The following PCDH11Y variants were observed in gnomAD, a reference collection of about 807,000 sequenced individuals.
The protein encoded by PCDH11Y is protocadherin 11 Y-linked.
For missense variants in PCDH11Y, 12 were observed against 224.8 expected, an observed-to-expected ratio of 0.05 and a Z score of 6.05; for synonymous variants, 9 against 83.6, an observed-to-expected ratio of 0.11 and a Z score of 4.87.
chrY:5,543,153 C>T (rs2053409390), intron 3 of PCDH11Y, among the ~76,000 whole-genome samples: 1 of 33,199 alleles, frequency 3.0e-5, no homozygotes, highest in Non-Finnish European at 7.5e-5. Context: ...TGACTACTTT[C>T]CCAGAGTTAA....
chrY:5,365,001 A>G, intron 2 of PCDH11Y, among the ~76,000 whole-genome samples: 1 of 33,079 alleles, frequency 3.0e-5, no homozygotes, highest in African/African-American at 1.2e-4. Context: ...TAGTAGCTAT[A>G]GATTTTATTT....
intron 2 of PCDH11Y, among the ~76,000 whole-genome samples, chrY:5,287,853 G>A (rs2053062180): frequency 3.5e-5 from 1 of 28,702 alleles, no homozygotes; most frequent in Non-Finnish European, 8.1e-5. Flanking sequence ...ACCATGGCAC[G>A]TTTATACCTA....
chrY:5,640,591 G>C, intron 4 of PCDH11Y, among the ~76,000 whole-genome samples: 1 of 32,733 alleles, frequency 3.1e-5, no homozygotes, highest in East Asian at 8.1e-4. Context: ...GCAGTAATAT[G>C]TTGAAAGGAA....
intron 1 of PCDH11Y, among the ~76,000 whole-genome samples, chrY:5,064,910 G>A (rs2052683735): frequency 3.2e-5 from 1 of 30,832 alleles, no homozygotes; most frequent in Non-Finnish European, 7.7e-5. Flanking sequence ...AGTAGAGACA[G>A]GGTTTCACCA....
At chrY:5,095,311 C>T in intron 1 of PCDH11Y, among the ~76,000 whole-genome samples, 2 of 32,332 alleles carry the variant, frequency 6.2e-5, no homozygotes, top group East Asian at 8.0e-4. Flanking sequence ...AATGTAAATC[C>T]GTTAGTGTCA....
intron 2 of PCDH11Y, among the ~76,000 whole-genome samples, chrY:5,452,854 A>G (rs2053294599): frequency 3.0e-5 from 1 of 33,194 alleles, no homozygotes; most frequent in Non-Finnish European, 7.4e-5. Context: ...ATTGCTAGCA[A>G]TTACTCTGCG....
At chrY:5,713,780 C>T in intron 4 of PCDH11Y, among the ~76,000 whole-genome samples, 1 of 30,449 alleles carries the variant, frequency 3.3e-5, no homozygotes, top group Non-Finnish European at 7.8e-5. Context: ...GAAAGAACTT[C>T]CAAGACTCCC....
chrY:5,622,624 A>G, intron 4 of PCDH11Y, among the ~76,000 whole-genome samples: 1 of 32,944 alleles, frequency 3.0e-5, no homozygotes, highest in African/African-American at 1.2e-4. Flanking sequence ...TTGAAGCACT[A>G]TTTACAATAG....
chrY:5,070,280 C>T (rs2052698022), intron 1 of PCDH11Y, among the ~76,000 whole-genome samples: 1 of 32,814 alleles, frequency 3.0e-5, no homozygotes, highest in African/African-American at 1.2e-4. Context: ...GAACCTGCTA[C>T]GATGAAGACT....
At chrY:5,541,387 T>G (rs1602940589) in intron 3 of PCDH11Y, among the ~76,000 whole-genome samples, 1 of 33,899 alleles carries the variant, frequency 2.9e-5, no homozygotes, top group Non-Finnish European at 7.4e-5. Context: ...TCCGTTTTCC[T>G]TGCTGTGTGT....
chrY:5,350,302 C>T (rs2053156403), intron 2 of PCDH11Y, among the ~76,000 whole-genome samples: 2 of 31,420 alleles, frequency 6.4e-5, no homozygotes, highest in African/African-American at 2.5e-4. Flanking sequence ...TATGTATACA[C>T]GTGCCATGTT....
chrY:5,687,931 T>G, intron 4 of PCDH11Y, among the ~76,000 whole-genome samples: 1 of 32,418 alleles, frequency 3.1e-5, no homozygotes. Flanking sequence ...ATCACAATTG[T>G]GCAAAAAAAA....
chrY:5,667,687 A>G (rs2053546030), intron 4 of PCDH11Y, among the ~76,000 whole-genome samples: 1 of 33,314 alleles, frequency 3.0e-5, no homozygotes, highest in African/African-American at 1.2e-4. Context: ...GAGCCATCGC[A>G]CACAGCCCCT....
At chrY:5,582,842 C>G in intron 4 of PCDH11Y, among the ~76,000 whole-genome samples, 1 of 32,674 alleles carries the variant, frequency 3.1e-5, no homozygotes, top group Non-Finnish European at 7.6e-5. Flanking sequence ...TTCTAATGTC[C>G]ATGATACATT....
intron 2 of PCDH11Y, among the ~76,000 whole-genome samples, chrY:5,213,366 C>T (rs1411751855): frequency 5.1e-5 from 1 of 19,433 alleles, no homozygotes; most frequent in South Asian, 1.2e-3. Context: ...GAACTCAATA[C>T]AATCGCTTAG....
intron 4 of PCDH11Y, among the ~76,000 whole-genome samples, chrY:5,681,847 C>T (rs199931237): frequency 3.2e-5 from 1 of 31,489 alleles, no homozygotes; most frequent in East Asian, 8.3e-4. Flanking sequence ...GCAGCCAGGT[C>T]AAATCTTGAA....
At chrY:5,557,781 G>C in intron 3 of PCDH11Y, among the ~76,000 whole-genome samples, 2 of 31,895 alleles carry the variant, frequency 6.3e-5, no homozygotes, top group Non-Finnish European at 1.5e-4. Context: ...TCCAGCTTTT[G>C]TCCATTTAAT....
intron 2 of PCDH11Y, among the ~76,000 whole-genome samples, chrY:5,177,326 G>A (rs2052894792): frequency 3.0e-5 from 1 of 33,170 alleles, no homozygotes; most frequent in Non-Finnish European, 7.4e-5. Context: ...GCTACCATAT[G>A]ATCCAGCAAT....
chrY:5,253,636 G>C, intron 2 of PCDH11Y, among the ~76,000 whole-genome samples: 8 of 32,397 alleles, frequency 2.5e-4, no homozygotes, highest in African/African-American at 9.7e-4. Context: ...AGTTAATGTA[G>C]CTTCCAGAAA....
Sources: allele counts gnomAD v4.1 joint callset (sites outside exome capture counted in the v4.1 genomes callset), GRCh38; gene constraint gnomAD v4.1.1; transcripts MANE v1.5; gene names NCBI Gene and HGNC (gene_info 2026-07-23, HGNC 2026-07-21).